The following KIF16B variants were observed in gnomAD, a reference collection of about 807,000 sequenced individuals.
KIF16B encodes kinesin family member 16B, also known as kinesin-like protein KIF16B.
KIF16B carries 98 observed loss-of-function variants against 156.3 expected under a neutral mutation model. The observed-to-expected ratio is 0.63, with a 90% CI of 0.53 to 0.74. The LOEUF (loss-of-function observed/expected upper bound fraction) is 0.74. Among genes scored for constraint, KIF16B ranks in the 30% least tolerant of loss-of-function variants. The probability of loss-of-function intolerance (pLI) is 0.00; values close to 1 mark genes in which losing one functional copy is unlikely to be tolerated. For synonymous variants in KIF16B, 564 were observed against 583.7 expected (o/e 0.97, Z 0.49); for missense variants, 1,421 against 1,606.5 (o/e 0.88, Z 1.97).
chr20:16,367,759 A>G (rs2064710471), intron 22 of KIF16B: 2 of 1,612,698 alleles, frequency 1.2e-6, no homozygotes, highest in Non-Finnish European at 1.7e-6. Flanking sequence ...TTGCTGGAGC[A>G]AGGGATGATT....
At chr20:16,479,020 G>A (rs532209546) in intron 12 of KIF16B, among the ~76,000 whole-genome samples, 11 of 152,248 alleles carry the variant, frequency 7.2e-5, no homozygotes, top group African/African-American at 2.2e-4. Context: ...ATGGCAGCAC[G>A]ATTTCTAACA....
At chr20:16,433,715 G>A (rs1224204808) in intron 12 of KIF16B, among the ~76,000 whole-genome samples, 2 of 152,086 alleles carry the variant, frequency 1.3e-5, no homozygotes, top group African/African-American at 4.8e-5. Flanking sequence ...ATGAATTTAT[G>A]ATTAATGCTG....
intron 12 of KIF16B, among the ~76,000 whole-genome samples, chr20:16,466,658 T>A (rs1414569049): frequency 6.6e-6 from 1 of 152,224 alleles, no homozygotes; most frequent in Non-Finnish European, 1.5e-5. Context: ...GTGAGTCCAT[T>A]AAACATCTTT....
chr20:16,447,926 C>A lies in KIF16B; in HGVS notation c.1303-17944G>T, dbSNP rs1480866601. On this transcript the variant is annotated intron_variant, in intron 12 of 25. Transcript: ENST00000354981. ...CTTGAGTCTAGCCTGGGCAACACAGCAAACATAACAAGACTCTGTCTCTTT... is the reference window on the plus strand; with the variant it reads ...CTTGAGTCTAGCCTGGGCAACACAGAAAACATAACAAGACTCTGTCTCTTT... Among the ~76,000 whole-genome samples, 3 of 152,212 alleles carry A rather than the reference C, an allele frequency of 2.0e-5. No homozygotes were observed. The East Asian group carries it at 5.8e-4, about 29-fold the overall frequency.
At chr20:16,394,522 G>A (rs1040556255) in intron 17 of KIF16B, among the ~76,000 whole-genome samples, 61 of 152,130 alleles carry the variant, frequency 4.0e-4, no homozygotes, top group African/African-American at 1.3e-3. Context: ...CCATAAAAAC[G>A]CAAGACAACT....
intron 1 of KIF16B, among the ~76,000 whole-genome samples, chr20:16,549,011 GT>G (rs71192340): frequency 0.3 from 41,598 of 140,832 alleles, 5,873 homozygotes; most frequent in South Asian, 0.38. Flanking sequence ...CTCATTTTCG[GT>G]TTTTTTTTTT....
rs2064442002 is a variant in KIF16B at position 16,356,364 on chromosome 20, T to C, written c.3587A>G (p.Gln1196Arg). Residue 1196 changes from glutamine to arginine, a missense_variant, in exon 23 of 26, where the codon CAA becomes CGA. By Grantham distance (43) the Gln-to-Arg change is conservative. Transcript: ENST00000354981. ...ISIPRYVLCG[Q>R]GKDAHFEFEV... ...AAACTCGAAGTGTGCATCCTTTCCTTGCCCGCAGAGGACGTAGCGTGGGAT... is the reference window on the plus strand; with the variant it reads ...AAACTCGAAGTGTGCATCCTTTCCTCGCCCGCAGAGGACGTAGCGTGGGAT... 3 of 1,614,042 alleles carry C rather than the reference T, an allele frequency of 1.9e-6. No individual in the cohort carries two copies. The highest frequency in any genetic ancestry group is 1.3e-5 in the African/African-American group (1 of 74,938).
At chr20:16,349,638 T>C (rs1440037656) in intron 23 of KIF16B, among the ~76,000 whole-genome samples, 1 of 152,212 alleles carries the variant, frequency 6.6e-6, no homozygotes, top group Non-Finnish European at 1.5e-5. Context: ...CAAAACCCCA[T>C]ATCCTCCACC....
chr20:16,469,236 G>C (rs116065020), intron 12 of KIF16B, among the ~76,000 whole-genome samples: 1,318 of 118,228 alleles, frequency 0.011, 21 homozygotes, highest in African/African-American at 0.038. Context: ...CTGGGTGACA[G>C]AGCAGGACCC....
chr20:16,489,733 G>A (rs2068228498), intron 12 of KIF16B, among the ~76,000 whole-genome samples: 1 of 147,380 alleles, frequency 6.8e-6, no homozygotes, highest in Admixed American at 6.6e-5. Context: ...AAACTTGAAG[G>A]TACAGACCCG....
At chr20:16,557,001 T>C (rs368334483) in intron 1 of KIF16B, among the ~76,000 whole-genome samples, 1 of 151,944 alleles carries the variant, frequency 6.6e-6, no homozygotes, top group East Asian at 1.9e-4. Flanking sequence ...ATGTGACTAA[T>C]CCAAATTGAG....
chr20:16,315,059 G>A (rs12480966), intron 24 of KIF16B, among the ~76,000 whole-genome samples: 30,321 of 151,856 alleles, frequency 0.2, 3,205 homozygotes, highest in East Asian at 0.35. Flanking sequence ...TTCTGTCAGG[G>A]GAAATTTATA....
chr20:16,545,981 C>T (rs545113108), intron 1 of KIF16B, among the ~76,000 whole-genome samples: 2 of 151,984 alleles, frequency 1.3e-5, no homozygotes, highest in Admixed American at 1.3e-4. Context: ...ATGCCATATA[C>T]CAGCTAGGGA....
intron 25 of KIF16B, among the ~76,000 whole-genome samples, chr20:16,307,114 G>A (rs139056925): frequency 2.6e-5 from 4 of 152,282 alleles, no homozygotes; most frequent in Admixed American, 2.6e-4. Flanking sequence ...TTTCTAGGCA[G>A]TTTTGAAGAA....
At chr20:16,365,807 T>G (rs962286409) in intron 22 of KIF16B, among the ~76,000 whole-genome samples, 1 of 152,112 alleles carries the variant, frequency 6.6e-6, no homozygotes, top group Non-Finnish European at 1.5e-5. Flanking sequence ...TTGACCAGAA[T>G]AGAAAATGCC....
intron 1 of KIF16B, among the ~76,000 whole-genome samples, chr20:16,564,022 A>G (rs1012177420): frequency 3.9e-5 from 6 of 152,020 alleles, no homozygotes; most frequent in Non-Finnish European, 8.8e-5. Flanking sequence ...TTCTTTCACC[A>G]ACCCCAAACT....
intron 24 of KIF16B, 45 bp downstream of exon 24, chr20:16,335,881 A>G: frequency 8.2e-7 from 1 of 1,224,440 alleles, no homozygotes; most frequent in Non-Finnish European, 1.2e-6. Flanking sequence ...CATTTACTTT[A>G]TAAAATGAAT....
chr20:16,274,355 G>C (rs931307888), intron 25 of KIF16B, among the ~76,000 whole-genome samples: 1 of 152,172 alleles, frequency 6.6e-6, no homozygotes, highest in Non-Finnish European at 1.5e-5. Flanking sequence ...TTTTGGCACT[G>C]AGAAAGCAAA....
rs1008361331 is a variant in KIF16B, at chr20:16,528,672, C to T, written c.48-232G>A. On this transcript the variant is annotated intron_variant, in intron 1 of 25. Coordinates refer to ENST00000354981, the MANE Select transcript of KIF16B (RefSeq NM_024704.5). ...GCTGATACACAGTGTGTTGTTAAAC[C>T]CTGAAAGAATTTCCAATTGTAAGCC... is the stretch of plus-strand genomic sequence containing the variant. Among the ~76,000 whole-genome samples, 3 of 151,992 alleles carry T rather than the reference C, an allele frequency of 2.0e-5. No individual in the cohort carries two copies. The South Asian group carries it at 6.2e-4, about 32-fold the overall frequency.
Sources: allele counts gnomAD v4.1 joint callset (sites outside exome capture counted in the v4.1 genomes callset), GRCh38; gene constraint gnomAD v4.1.1; transcripts MANE v1.5; gene names NCBI Gene and HGNC (gene_info 2026-07-23, HGNC 2026-07-21).